Variants in CTSC observed in about 807,000 individuals in gnomAD.
The protein encoded by CTSC is dipeptidyl peptidase 1.
CTSC carries 37 observed loss-of-function variants against 40.9 expected under a neutral mutation model. That is an observed-to-expected ratio of 0.91 (90% confidence interval 0.70 to 1.19). CTSC has a LOEUF of 1.19. Among genes scored for constraint, CTSC ranks in the 50% most tolerant of loss-of-function variants. The pLI is 0.00. For missense variants in CTSC, 594 were observed against 567.3 expected (o/e 1.05, Z -0.48); for synonymous variants, 232 against 207.4 (o/e 1.12, Z -1.02).
chr11:88,297,382 G>C (rs1469479155), intron 5 of CTSC: 2 of 152,140 alleles, frequency 1.3e-5, no homozygotes, highest in African/African-American at 4.8e-5. Context: ...AACTAGGAGT[G>C]AGGATACTTT....
chr11:88,318,606 T>A (rs1414148027), intron 2 of CTSC, among the ~76,000 whole-genome samples: 1 of 152,302 alleles, frequency 6.6e-6, no homozygotes, highest in African/African-American at 2.4e-5. Context: ...TATATATTTC[T>A]AACATAAAAA....
Position 88,335,056 on chromosome 11 carries a change from A to G in CTSC, c.199T>C (p.Tyr67His), listed in dbSNP as rs1246567402. Reference sequence around the variant, plus strand: ...TATGCTGTATCCAGCTTCTGAAGGTACACCACTACTTTTTTTTCTTGTGGT... The same window carrying G: ...TATGCTGTATCCAGCTTCTGAAGGTGCACCACTACTTTTTTTTCTTGTGGT... ...MGPQEKKVVV[Y>H]LQKLDTAYDD... The change falls in exon 2 of 7, where the codon TAC becomes CAC. Residue 67 changes from tyrosine to histidine, a missense_variant. By Grantham distance (83) the Tyr-to-His change is moderately conservative. Transcript: ENST00000227266. 4 of 1,608,830 alleles carry G rather than the reference A, an allele frequency of 2.5e-6. No individual in the cohort carries two copies. Among genetic ancestry groups the G allele is most frequent in the Admixed American group, 3.3e-5 (2 of 59,974 alleles).
At chr11:88,324,527 A>G in intron 2 of CTSC, 1 of 978,378 alleles carries the variant, frequency 1.0e-6, no homozygotes, top group Non-Finnish European at 1.2e-6. Flanking sequence ...GTAAGTTGGT[A>G]ATACTTGTGA....
chr11:88,327,253 G>A (rs1338476585), intron 2 of CTSC, among the ~76,000 whole-genome samples: 2 of 152,234 alleles, frequency 1.3e-5, no homozygotes, highest in Non-Finnish European at 2.9e-5. Context: ...CCTGGCAGAT[G>A]TGTGGGTCAC....
intron 2 of CTSC, among the ~76,000 whole-genome samples, chr11:88,318,219 A>C (rs777277563): frequency 6.6e-6 from 1 of 152,216 alleles, no homozygotes; most frequent in Non-Finnish European, 1.5e-5. Context: ...TAGAAGACAG[A>C]GGCAGTTTAG....
Position 88,331,695 on chromosome 11 carries a change from T to C in CTSC, c.318+3242A>G, listed in dbSNP as rs937739156. 2.0e-5 allele frequency among the ~76,000 whole-genome samples: 3 copies of C among 152,228 alleles called. No individual in the cohort carries two copies. In the East Asian group the frequency reaches 5.8e-4, roughly 29 times the overall value. On this transcript the variant is annotated intron_variant, in intron 2 of 6. Transcript: ENST00000227266. ...ACCATGTTAAAATATAATTAGGTTA[T>C]AAGGACATGATCTAAACCTAACAAG... is the stretch of plus-strand genomic sequence containing the variant.
intron 2 of CTSC, chr11:88,325,042 AATATGAATTAAAC>A: frequency 1.0e-6 from 1 of 985,344 alleles, no homozygotes; most frequent in Non-Finnish European, 1.2e-6. Flanking sequence ...CCACCCAGAC[AATATGAATTAAAC>A]ATAACCCCAT....
In CTSC at chr11:88,293,679, G is replaced by T; in HGVS notation, c.*327C>A. On this transcript the variant is annotated 3_prime_UTR_variant, in exon 7 of 7. Coordinates refer to ENST00000227266, the MANE Select transcript of CTSC (RefSeq NM_001814.6). ...TATTGCCATTATTTTCTTGTGATTG[G>T]TACAATTTAAAAATAAGTCTATGTT... is the stretch of plus-strand genomic sequence containing the variant. 3.3e-6 allele frequency: 1 copy of T among 298,644 alleles called. No individual in the cohort carries two copies. The highest frequency in any genetic ancestry group is 6.3e-6 in the Non-Finnish European group (1 of 157,542). 18.5% of individuals were successfully genotyped at this position (298,644 alleles called of 1,614,324 possible). A position where few individuals can be genotyped will look rare whatever the true frequency, so the allele number is the denominator to read the frequency against.
At chr11:88,318,990 C>A (rs1937938526) in intron 2 of CTSC, among the ~76,000 whole-genome samples, 1 of 152,088 alleles carries the variant, frequency 6.6e-6, no homozygotes, top group Non-Finnish European at 1.5e-5. Context: ...ATTGGTGTGC[C>A]CATCAGATCT....
At chr11:88,306,665 G>A (rs780782583) in intron 4 of CTSC, among the ~76,000 whole-genome samples, 11 of 152,156 alleles carry the variant, frequency 7.2e-5, no homozygotes, top group Non-Finnish European at 1.2e-4. Flanking sequence ...GAGTCGTCTC[G>A]CGGAGAGCCA....
At chr11:88,311,399 T>C (rs1417341982) in intron 3 of CTSC, among the ~76,000 whole-genome samples, 1 of 152,238 alleles carries the variant, frequency 6.6e-6, no homozygotes, top group Non-Finnish European at 1.5e-5. Context: ...TGTGCTGCAG[T>C]CATTCATTAC....
intron 2 of CTSC, chr11:88,323,657 A>C (rs1460418955): frequency 2.0e-5 from 3 of 152,074 alleles, no homozygotes; most frequent in Non-Finnish European, 4.4e-5. Flanking sequence ...TCATGAATGA[A>C]CTCCCATTCC....
rs143635981 is a variant in CTSC, at chr11:88,319,685, G to A, written c.319-7131C>T. On this transcript the variant is annotated intron_variant, in intron 2 of 6. Coordinates refer to ENST00000227266, the MANE Select transcript of CTSC (RefSeq NM_001814.6). The stretch of plus-strand genomic sequence containing the variant: ...TATGACATTAATAAAGTATTTAATC[G>A]CTTAATATTTCACATTTTATAACAA... Among the ~76,000 whole-genome samples the A allele has an allele frequency of 7.5e-3, 1,140 of 151,918 alleles. 19 individuals carry two copies. Among genetic ancestry groups the A allele is most frequent in the African/African-American group, 0.026 (1,067 of 41,406 alleles).
intron 3 of CTSC, among the ~76,000 whole-genome samples, chr11:88,310,036 A>G (rs1454598547): frequency 6.6e-6 from 1 of 152,186 alleles, no homozygotes; most frequent in Non-Finnish European, 1.5e-5. Flanking sequence ...ATATGATACT[A>G]AAAGAAATTA....
At chr11:88,322,344 G>C (rs1049210888) in intron 2 of CTSC, 3 of 152,018 alleles carry the variant, frequency 2.0e-5, no homozygotes, top group Non-Finnish European at 2.9e-5. Context: ...GAATGATATT[G>C]CCTATATTCT....
intron 1 of CTSC, among the ~76,000 whole-genome samples, chr11:88,336,365 C>T (rs913121369): frequency 3.3e-5 from 5 of 151,748 alleles, no homozygotes; most frequent in African/African-American, 7.3e-5. Flanking sequence ...ACAGTGAAAC[C>T]CGTCTCTACT....
At chr11:88,335,218 G>A (rs1280765423) in intron 1 of CTSC, 136 bp from the exon 2 acceptor site, 2 of 675,032 alleles carry the variant, frequency 3.0e-6, no homozygotes, top group Non-Finnish European at 5.2e-6. Flanking sequence ...GCCTAGTGAA[G>A]AAACCAGAGG....
rs1425690401 is a variant in CTSC, at chr11:88,294,403, T to G, written c.995A>C (p.Lys332Thr). The G allele has an allele frequency of 1.2e-6, 2 of 1,614,160 alleles. No individual in the cohort carries two copies. The highest frequency in any genetic ancestry group is 4.5e-5 in the East Asian group (2 of 44,874). The change falls in exon 7 of 7, where the codon AAA (lysine) becomes ACA (threonine). Residue 332 changes from lysine (K) to threonine (T), a missense_variant. Lys to Thr is a moderately conservative substitution (Grantham distance 78). Transcript: ENST00000227266. The stretch of plus-strand genomic sequence containing the variant: ...ATAACGAAAGCAGTCTTCCTTCATT[T>G]TGCATGGAGAATCAGTGCCTGTGTA... The part of the protein sequence containing the change: ...FPYTGTDSPC[K>T]MKEDCFRYYS...
At chr11:88,334,161 C>T (rs1042440105) in intron 2 of CTSC, among the ~76,000 whole-genome samples, 1 of 152,166 alleles carries the variant, frequency 6.6e-6, no homozygotes, top group East Asian at 1.9e-4. Context: ...AATTTATACT[C>T]TATGTATAAT....
Sources: allele counts gnomAD v4.1 joint callset (sites outside exome capture counted in the v4.1 genomes callset), GRCh38; gene constraint gnomAD v4.1.1; transcripts MANE v1.5; gene names NCBI Gene and HGNC (gene_info 2026-07-23, HGNC 2026-07-21).